KCNU1: variants seen among roughly 807,000 people sequenced by gnomAD.
The protein encoded by KCNU1 is potassium calcium-activated channel subfamily U member 1, also known as potassium channel subfamily U member 1.
KCNU1 carries 93 observed loss-of-function variants against 126.8 expected under a neutral mutation model. The ratio of observed to expected loss-of-function variants is 0.73; its 90% CI spans 0.62 to 0.87. KCNU1 has a LOEUF of 0.87. Ranked by LOEUF, KCNU1 falls within the 40% of genes least tolerant of loss-of-function variation. The pLI, the probability that KCNU1 is intolerant of heterozygous loss-of-function variation, is 0.00. For synonymous variants in KCNU1, 523 were observed against 494.2 expected, an observed-to-expected ratio of 1.06 and a Z score of -0.77; for missense variants, 1,330 against 1,367.1, an observed-to-expected ratio of 0.97 and a Z score of 0.43.
At chr8:36,930,701 T>G (rs1010260762) in intron 24 of KCNU1, among the ~76,000 whole-genome samples, 27 of 152,176 alleles carry the variant, frequency 1.8e-4, no homozygotes, top group Admixed American at 1.4e-3. Context: ...CATTTTCTTC[T>G]TCATCCGAAG....
chr8:36,865,647 A>C (rs972802271), intron 19 of KCNU1, among the ~76,000 whole-genome samples: 1 of 151,480 alleles, frequency 6.6e-6, no homozygotes, highest in Non-Finnish European at 1.5e-5. Flanking sequence ...CTGGTGGCAC[A>C]CAACTGTAGT....
Position 36,805,961 on chromosome 8 carries a change from G to A in KCNU1, c.469-308G>A, listed in dbSNP as rs538445554. Reference sequence around the variant, plus strand: ...CAGGTTCCAGTGGTTCTCCTGCTTCGGCCTCCTGGGTAGCTGGGATTACAG... The same window carrying A: ...CAGGTTCCAGTGGTTCTCCTGCTTCAGCCTCCTGGGTAGCTGGGATTACAG... On this transcript the variant is annotated intron_variant, in intron 4 of 26. Coordinates refer to ENST00000399881, the MANE Select transcript of KCNU1 (RefSeq NM_001031836.3). 2.0e-5 allele frequency among the ~76,000 whole-genome samples: 3 copies of A among 152,044 alleles called. No individual in the cohort carries two copies. The East Asian group carries it at 5.8e-4, about 29-fold the overall frequency.
intron 19 of KCNU1, chr8:36,889,053 A>G (rs1806843687): frequency 5.9e-6 from 3 of 504,304 alleles, no homozygotes; most frequent in Non-Finnish European, 1.2e-5. Context: ...TAATTATTGT[A>G]TTTTTAGTAG....
intron 2 of KCNU1, among the ~76,000 whole-genome samples, chr8:36,797,985 A>AT (rs1476319857): frequency 1.3e-5 from 2 of 152,222 alleles, no homozygotes; most frequent in Non-Finnish European, 2.9e-5. Context: ...AAGACGAGGC[A>AT]TGAAGCCTAG....
intron 5 of KCNU1, 57 bp from the exon 6 acceptor site, chr8:36,807,318 C>T: frequency 4.3e-6 from 5 of 1,164,570 alleles, no homozygotes; most frequent in Non-Finnish European, 6.5e-6. Context: ...ATAACGTAGG[C>T]TCCCTCTGGA....
intron 4 of KCNU1, 51 bp downstream of exon 4, chr8:36,805,336 C>A: frequency 9.2e-7 from 1 of 1,084,516 alleles, no homozygotes; most frequent in Non-Finnish European, 1.4e-6. Context: ...ACAGGCACAA[C>A]ATACAGAGAA....
rs778056016 is a variant in KCNU1, at chr8:36,817,727, G to A, written c.1073G>A (p.Gly358Glu). ...FLRNFLRDKSGEINTEIVFLG... is the reference protein window; with the variant it reads ...FLRNFLRDKSEEINTEIVFLG... ...AGGAATTTCCTCCGCGACAAGTCAG[G>A]AGAGATCAACACTGAAATTGTTTTC... Residue 358 changes from glycine to glutamate, a missense_variant, in exon 10 of 27, where the codon GGA becomes GAA. Transcript: ENST00000399881. 1 of 1,607,926 alleles carries A rather than the reference G, an allele frequency of 6.2e-7. No homozygotes were observed. Among genetic ancestry groups the A allele is most frequent in the Non-Finnish European group, 8.5e-7 (1 of 1,175,638 alleles).
chr8:36,791,978 G>A lies in KCNU1; in HGVS notation c.315+4553G>A, dbSNP rs111757266. Among the ~76,000 whole-genome samples the A allele has an allele frequency of 4.3e-3, 652 of 152,006 alleles. 8 individuals carry two copies. The highest frequency in any genetic ancestry group is 0.015 in the African/African-American group (619 of 41,464). On this transcript the variant is annotated intron_variant, in intron 2 of 26. Coordinates refer to ENST00000399881, the MANE Select transcript of KCNU1 (RefSeq NM_001031836.3). ...AGCATGAGAATACAGTTTAGAGATCGTTATCCTACAAATAAAGAAAACACT... is the reference window on the plus strand; with the variant it reads ...AGCATGAGAATACAGTTTAGAGATCATTATCCTACAAATAAAGAAAACACT...
At chr8:36,909,564 T>C in intron 21 of KCNU1, 29 bp downstream of exon 21, 1 of 1,269,742 alleles carries the variant, frequency 7.9e-7, no homozygotes. Flanking sequence ...AAAGTTAATA[T>C]TTATAAGGAT....
chr8:36,875,864 T>C (rs1806262197), intron 19 of KCNU1, among the ~76,000 whole-genome samples: 1 of 152,200 alleles, frequency 6.6e-6, no homozygotes, highest in Non-Finnish European at 1.5e-5. Context: ...AGACCTTCTT[T>C]CTAAAAATCC....
At chr8:36,789,402 T>C (rs1802823734) in intron 2 of KCNU1, among the ~76,000 whole-genome samples, 2 of 151,946 alleles carry the variant, frequency 1.3e-5, no homozygotes, top group African/African-American at 4.8e-5. Flanking sequence ...CATAACTGAG[T>C]CTCTTAGAGA....
chr8:36,875,887 G>C (rs1806262730), intron 19 of KCNU1, among the ~76,000 whole-genome samples: 1 of 152,144 alleles, frequency 6.6e-6, no homozygotes, highest in Admixed American at 6.5e-5. Flanking sequence ...GGTTTCAGCT[G>C]TTGCCCACAG....
At position 36,845,604 on chromosome 8, in the gene KCNU1, A is replaced by G; in HGVS notation, c.1728A>G (p.Pro576=). 1 of 1,608,470 alleles carries G rather than the reference A, an allele frequency of 6.2e-7. No individual in the cohort carries two copies. The highest frequency in any genetic ancestry group is 8.5e-7 in the Non-Finnish European group (1 of 1,175,082). The stretch of plus-strand genomic sequence containing the variant: ...GTGGTCTGATACTAAATCCACCTCC[A>G]CAAGTGAGGATACGTAAGAACACAT... ...GFCGLILNPP[P]QVRIRKNTLG... The change falls in exon 17 of 27, where the codon CCA becomes CCG. Residue 576 remains proline (P), a synonymous_variant. Transcript: ENST00000399881.
chr8:36,838,033 A>C (rs1804818346), intron 14 of KCNU1, among the ~76,000 whole-genome samples: 1 of 152,244 alleles, frequency 6.6e-6, no homozygotes, highest in South Asian at 2.1e-4. Context: ...TAACTGCAAC[A>C]AACGGAATGC....
rs777692263 is a variant in KCNU1 at position 36,935,848 on chromosome 8, A to C, written c.3378A>C (p.Ala1126=). The C allele has an allele frequency of 1.2e-6, 2 of 1,612,212 alleles. No individual in the cohort carries two copies. The highest frequency in any genetic ancestry group is 2.2e-5 in the South Asian group (2 of 90,782). ...CTCAGATACCTTTAGGTGACAATGCAAAAGAAAATGAAAGGAAAACTTCAG... is the reference window on the plus strand; with the variant it reads ...CTCAGATACCTTTAGGTGACAATGCCAAAGAAAATGAAAGGAAAACTTCAG... ...ISSQIPLGDN[A]KENERKTSDE... Residue 1126 remains alanine, a synonymous_variant, in exon 27 of 27, where the codon GCA becomes GCC. Transcript: ENST00000399881.
chr8:36,931,848 A>G (rs1297403529), intron 25 of KCNU1, among the ~76,000 whole-genome samples: 3 of 152,140 alleles, frequency 2.0e-5, no homozygotes, highest in Admixed American at 6.5e-5. Context: ...ACAGTAGATT[A>G]CAGCAAGGGA....
At chr8:36,811,421 A>G (rs1803707290) in intron 7 of KCNU1, among the ~76,000 whole-genome samples, 1 of 152,164 alleles carries the variant, frequency 6.6e-6, no homozygotes, top group Admixed American at 6.5e-5. Context: ...ACTAGCTTCA[A>G]GTTTCTTGAC....
At chr8:36,919,520 C>T (rs1255404709) in intron 23 of KCNU1, among the ~76,000 whole-genome samples, 1 of 150,968 alleles carries the variant, frequency 6.6e-6, no homozygotes, top group African/African-American at 2.4e-5. Flanking sequence ...GCACGAGGAG[C>T]TGTGGGAACA....
intron 19 of KCNU1, among the ~76,000 whole-genome samples, chr8:36,904,267 G>T (rs941351219): frequency 7.9e-5 from 12 of 152,142 alleles, no homozygotes; most frequent in African/African-American, 2.9e-4. Flanking sequence ...GCAGGCCAGG[G>T]CACTCAGCTC....
Sources: allele counts gnomAD v4.1 joint callset (sites outside exome capture counted in the v4.1 genomes callset), GRCh38; gene constraint gnomAD v4.1.1; transcripts MANE v1.5; gene names NCBI Gene and HGNC (gene_info 2026-07-23, HGNC 2026-07-21).